Variants in TPD52 observed in about 807,000 individuals in gnomAD.
TPD52 encodes tumor protein D52.
In TPD52, 17 loss-of-function variants were observed where a neutral mutation model predicts 31.3. That is an observed-to-expected ratio of 0.54 (90% CI 0.37 to 0.82). The LOEUF (loss-of-function observed/expected upper bound fraction) is 0.82, where lower values mean the gene tolerates loss of function less well. Among genes scored for constraint, TPD52 ranks in the 40% least tolerant of loss-of-function variants. The pLI, the probability that TPD52 is intolerant of heterozygous loss-of-function variation, is 0.00. For synonymous variants in TPD52, 83 were observed against 89.6 expected (o/e 0.93, Z 0.42); for missense variants, 212 against 240.1 (o/e 0.88, Z 0.77).
chr8:80,151,045 G>C (rs1810535217), intron 1 of TPD52, among the ~76,000 whole-genome samples: 1 of 152,328 alleles, frequency 6.6e-6, no homozygotes, highest in Admixed American at 6.5e-5. Context: ...TGTGTCGTGG[G>C]AGGGACCTGG....
chr8:80,140,773 G>A (rs1809774279), intron 1 of TPD52, among the ~76,000 whole-genome samples: 1 of 152,172 alleles, frequency 6.6e-6, no homozygotes, highest in South Asian at 2.1e-4. Flanking sequence ...GGAAACTATT[G>A]CACCAGCTTC....
In TPD52 at chr8:80,037,829, T is replaced by A. The variant is rs1382359048; in HGVS notation, c.*287A>T. The A allele has an allele frequency of 7.9e-6, 2 of 253,000 alleles. No individual in the cohort carries two copies. Among genetic ancestry groups the A allele is most frequent in the Non-Finnish European group, 1.5e-5 (2 of 134,518 alleles). The allele number at this position is 253,000 out of a possible 1,614,324, so 15.7% of individuals were successfully genotyped here. ...TAAAGCAGGAAAACAACTATGACAA[T>A]CTGTAGCTTCTTAGATCATTATAGT... On this transcript the variant is annotated 3_prime_UTR_variant, in exon 8 of 8. Transcript: ENST00000518937.
chr8:80,054,744 GAAAA>G (rs34889193), intron 2 of TPD52, among the ~76,000 whole-genome samples: 1 of 144,646 alleles, frequency 6.9e-6, no homozygotes. Flanking sequence ...CAGCTGCCAA[GAAAA>G]AAAAAAAAAG....
intron 1 of TPD52, among the ~76,000 whole-genome samples, chr8:80,115,530 AGGG>A (rs1807806690): frequency 6.6e-6 from 1 of 152,226 alleles, no homozygotes; most frequent in African/African-American, 2.4e-5. Context: ...GAGAGAAGGA[AGGG>A]AGGCAAGAGA....
chr8:80,098,004 C>A (rs956262281), intron 1 of TPD52, among the ~76,000 whole-genome samples: 5 of 152,190 alleles, frequency 3.3e-5, no homozygotes, highest in Admixed American at 3.3e-4. Context: ...ATCTACTCTG[C>A]CTGTGCTCTA....
intron 2 of TPD52, among the ~76,000 whole-genome samples, chr8:80,058,478 T>A (rs1812141237): frequency 6.6e-6 from 1 of 152,208 alleles, no homozygotes; most frequent in Admixed American, 6.5e-5. Context: ...GAAAAGGTTA[T>A]CTGTATTCTA....
chr8:80,101,754 T>C (rs7831120), intron 1 of TPD52, among the ~76,000 whole-genome samples: 101,095 of 151,954 alleles, frequency 0.67, 34,971 homozygotes, highest in African/African-American at 0.87. Flanking sequence ...GGTGAGAACT[T>C]GATCATTACC....
At chr8:80,168,174 T>A (rs907955801) in intron 1 of TPD52, among the ~76,000 whole-genome samples, 3 of 152,136 alleles carry the variant, frequency 2.0e-5, no homozygotes, top group Non-Finnish European at 4.4e-5. Flanking sequence ...TGAGAGAAAG[T>A]AGAAAAACAA....
intron 2 of TPD52, among the ~76,000 whole-genome samples, chr8:80,061,760 G>A (rs1010952164): frequency 6.6e-6 from 1 of 151,994 alleles, no homozygotes; most frequent in African/African-American, 2.4e-5. Context: ...ATAATATTCA[G>A]TTATGTTTCT....
In TPD52 at chr8:80,050,406, C is replaced by G. The variant is rs771191997; in HGVS notation, c.413+39G>C. 3 of 1,583,704 alleles carry G rather than the reference C, an allele frequency of 1.9e-6. No individual in the cohort carries two copies. In the Admixed American group the frequency reaches 5.4e-5, roughly 29 times the overall value. On this transcript the variant is annotated intron_variant, in intron 5 of 7. Coordinates refer to ENST00000518937, the MANE Select transcript of TPD52 (RefSeq NM_001025253.3). ...CTAATCTCAGCACACTTTTCTTATA[C>G]AACTGCTGGACTGCAGTGATGGTTC...
chr8:80,061,385 C>CCAA (rs1484546324), intron 2 of TPD52, among the ~76,000 whole-genome samples: 4 of 102,076 alleles, frequency 3.9e-5, no homozygotes, highest in African/African-American at 7.6e-5. Context: ...CCGCCCCCCC[C>CCAA]AAAAAAAAAA....
intron 3 of TPD52, among the ~76,000 whole-genome samples, chr8:80,052,266 T>C (rs1371114856): frequency 6.6e-6 from 1 of 152,172 alleles, no homozygotes; most frequent in Non-Finnish European, 1.5e-5. Flanking sequence ...TACCACCTCC[T>C]TCCCAGCTAC....
intron 2 of TPD52, among the ~76,000 whole-genome samples, chr8:80,058,292 TA>T (rs570377025): frequency 6.0e-4 from 92 of 152,336 alleles, no homozygotes; most frequent in Non-Finnish European, 8.1e-4. Flanking sequence ...TACATGAAGG[TA>T]TTTTCATCAA....
At chr8:80,047,424 A>G (rs1038864555) in intron 5 of TPD52, among the ~76,000 whole-genome samples, 4 of 152,226 alleles carry the variant, frequency 2.6e-5, no homozygotes, top group Admixed American at 2.6e-4. Flanking sequence ...ATATGCATAG[A>G]AAATATGCAA....
intron 1 of TPD52, among the ~76,000 whole-genome samples, chr8:80,083,716 T>C (rs993616334): frequency 3.9e-5 from 6 of 152,176 alleles, no homozygotes; most frequent in Non-Finnish European, 7.3e-5. Context: ...TATTTCCCCA[T>C]AGCAGTGTGA....
At chr8:80,085,751 C>T (rs913626593) in intron 1 of TPD52, among the ~76,000 whole-genome samples, 7 of 152,146 alleles carry the variant, frequency 4.6e-5, no homozygotes, top group Admixed American at 2.0e-4. Context: ...CAAAAATCAT[C>T]GCTGGATGCT....
At chr8:80,127,778 T>C (rs1808717231) in intron 1 of TPD52, 1 of 146,486 alleles carries the variant, frequency 6.8e-6, no homozygotes. Context: ...CACTTGTGAT[T>C]TCTAAATAAA....
At chr8:80,130,824 G>T (rs1343929341) in intron 1 of TPD52, among the ~76,000 whole-genome samples, 2 of 152,038 alleles carry the variant, frequency 1.3e-5, no homozygotes, top group African/African-American at 4.8e-5. Flanking sequence ...TAAAGGCTGG[G>T]AAATAAAATA....
intron 1 of TPD52, among the ~76,000 whole-genome samples, chr8:80,087,789 T>C (rs1369784556): frequency 6.6e-6 from 1 of 152,158 alleles, no homozygotes; most frequent in Non-Finnish European, 1.5e-5. Flanking sequence ...GGGGACCCTG[T>C]TGCACAGGGT....
Sources: allele counts gnomAD v4.1 joint callset (sites outside exome capture counted in the v4.1 genomes callset), GRCh38; gene constraint gnomAD v4.1.1; transcripts MANE v1.5; gene names NCBI Gene and HGNC (gene_info 2026-07-23, HGNC 2026-07-21).